TRIP12: variants seen among roughly 807,000 people sequenced by gnomAD.
The protein encoded by TRIP12 is thyroid hormone receptor interactor 12.
TRIP12 carries 25 observed loss-of-function variants against 244.2 expected under a neutral mutation model. The observed-to-expected ratio is 0.10, with a 90% confidence interval of 0.07 to 0.14. TRIP12 has a LOEUF of 0.14. TRIP12 is among the 10% of genes least tolerant of loss of function. The pLI is 1.00. For synonymous variants in TRIP12, 905 were observed against 873.1 expected (o/e 1.04, Z -0.64); for missense variants, 1,677 against 2,486.4 (o/e 0.67, Z 6.92).
intron 1 of TRIP12, among the ~76,000 whole-genome samples, chr2:229,891,734 A>G (rs2067414455): frequency 6.6e-6 from 1 of 152,222 alleles, no homozygotes; most frequent in African/African-American, 2.4e-5. Flanking sequence ...ATTACGTATC[A>G]TCTTCTATTC....
At chr2:229,919,644 T>C (rs909621458) in intron 1 of TRIP12, among the ~76,000 whole-genome samples, 4 of 152,002 alleles carry the variant, frequency 2.6e-5, no homozygotes, top group Non-Finnish European at 1.5e-5. Context: ...AGCCTGTTCA[T>C]AGACTCAAAC....
At chr2:229,822,326 T>G (rs114906979) in intron 8 of TRIP12, among the ~76,000 whole-genome samples, 1,660 of 152,288 alleles carry the variant, frequency 0.011, 17 homozygotes, top group Middle Eastern at 0.02. Context: ...TTGAGACTGC[T>G]CAACTATTCA....
chr2:229,876,758 G>A (rs772775886), intron 2 of TRIP12, among the ~76,000 whole-genome samples: 16 of 152,100 alleles, frequency 1.1e-4, no homozygotes, highest in Non-Finnish European at 2.2e-4. Context: ...TGAACTCCTC[G>A]GCTCAAGCGA....
chr2:229,893,914 T>A (rs535905106), intron 1 of TRIP12, among the ~76,000 whole-genome samples: 1 of 152,320 alleles, frequency 6.6e-6, no homozygotes, highest in South Asian at 2.1e-4. Context: ...GATGTTGCTA[T>A]GTTACCCGGG....
intron 1 of TRIP12, among the ~76,000 whole-genome samples, chr2:229,914,115 C>T (rs1012122316): frequency 3.9e-5 from 6 of 152,010 alleles, no homozygotes; most frequent in Non-Finnish European, 8.8e-5. Flanking sequence ...CAGGGAATCG[C>T]TTGAACCAAG....
At chr2:229,857,637 CA>C (rs57882382) in intron 4 of TRIP12, among the ~76,000 whole-genome samples, 119 of 140,400 alleles carry the variant, frequency 8.5e-4, no homozygotes, top group Admixed American at 1.3e-3. Context: ...GACTCTGTCT[CA>C]AAAAAAAAAA....
At chr2:229,831,202 C>T (rs2053267527) in intron 6 of TRIP12, 3 of 683,122 alleles carry the variant, frequency 4.4e-6, no homozygotes, top group African/African-American at 1.8e-5. Context: ...TAACAGATGG[C>T]CAATTAGTAA....
chr2:229,819,280 C>T (rs1393952356), intron 8 of TRIP12, among the ~76,000 whole-genome samples: 4 of 152,182 alleles, frequency 2.6e-5, no homozygotes, highest in Admixed American at 1.3e-4. Context: ...TGCAGTGGCT[C>T]ATGCCTGTAA....
intron 2 of TRIP12, among the ~76,000 whole-genome samples, chr2:229,870,353 CAA>C (rs2062334857): frequency 6.6e-6 from 1 of 152,128 alleles, no homozygotes; most frequent in Non-Finnish European, 1.5e-5. Context: ...ACATGGTGTA[CAA>C]AGAGATGGTG....
At chr2:229,790,975 TTAAA>T (rs1199902807) in intron 30 of TRIP12, 145 bp downstream of exon 30, 1 of 1,010,346 alleles carries the variant, frequency 9.9e-7, no homozygotes, top group African/African-American at 1.6e-5. Context: ...AAGTTGAGGA[TTAAA>T]TGTGATCAAA....
chr2:229,906,072 A>C (rs144804053), intron 1 of TRIP12, among the ~76,000 whole-genome samples: 4 of 152,332 alleles, frequency 2.6e-5, no homozygotes, highest in African/African-American at 9.6e-5. Context: ...TGGGAGGCCG[A>C]GGTGGGCAGA....
At chr2:229,773,774 T>A (rs1175304094) in intron 38 of TRIP12, 1 of 204,030 alleles carries the variant, frequency 4.9e-6, no homozygotes, top group Non-Finnish European at 1.0e-5. Flanking sequence ...GCTAGCTGCC[T>A]TGATGGAAAT....
intron 38 of TRIP12, 21 bp downstream of exon 38, chr2:229,774,076 C>A (rs780341125): frequency 6.2e-7 from 1 of 1,606,330 alleles, no homozygotes; most frequent in Non-Finnish European, 8.5e-7. Context: ...TGGCCTACCC[C>A]CCAAAGACAC....
intron 31 of TRIP12, 93 bp from the exon 32 acceptor site, chr2:229,789,033 G>A: frequency 1.7e-6 from 2 of 1,201,702 alleles, no homozygotes; most frequent in Non-Finnish European, 2.3e-6. Context: ...TCCATGCAAA[G>A]TACCCTGAAT....
At chr2:229,868,546 A>G (rs2154344015) in intron 2 of TRIP12, among the ~76,000 whole-genome samples, 1 of 152,328 alleles carries the variant, frequency 6.6e-6, no homozygotes, top group East Asian at 1.9e-4. Flanking sequence ...AAATTCAGTC[A>G]TAAGAGGCAT....
At chr2:229,876,265 A>G (rs2154350699) in intron 2 of TRIP12, among the ~76,000 whole-genome samples, 1 of 152,232 alleles carries the variant, frequency 6.6e-6, no homozygotes, top group East Asian at 1.9e-4. Flanking sequence ...GACAAGAGCA[A>G]AACTCCATCT....
intron 4 of TRIP12, among the ~76,000 whole-genome samples, chr2:229,852,233 A>T (rs986162192): frequency 1.3e-5 from 2 of 152,222 alleles, no homozygotes; most frequent in African/African-American, 4.8e-5. Context: ...TAGATCTTCA[A>T]TAGAACATCT....
At chr2:229,788,977 G>C (rs898282106) in intron 31 of TRIP12, 37 bp from the exon 32 acceptor site, 1 of 1,544,492 alleles carries the variant, frequency 6.5e-7, no homozygotes, top group Non-Finnish European at 8.8e-7. Context: ...TCTACATGTA[G>C]TAAAATATTA....
At chr2:229,795,842 T>A (rs1179387097) in intron 25 of TRIP12, among the ~76,000 whole-genome samples, 1 of 152,164 alleles carries the variant, frequency 6.6e-6, no homozygotes, top group African/African-American at 2.4e-5. Flanking sequence ...TTCTAATGAA[T>A]CTCCAATAAA....
Sources: allele counts gnomAD v4.1 joint callset (sites outside exome capture counted in the v4.1 genomes callset), GRCh38; gene constraint gnomAD v4.1.1; transcripts MANE v1.5; gene names NCBI Gene and HGNC (gene_info 2026-07-23, HGNC 2026-07-21).